The following DAPK2 variants were observed in gnomAD, a reference collection of about 807,000 sequenced individuals.
DAPK2 encodes the protein death associated protein kinase 2, also known as death-associated protein kinase 2.
In DAPK2, 35 loss-of-function variants were observed where a neutral mutation model predicts 44.1. The observed-to-expected ratio is 0.79, with a 90% CI of 0.61 to 1.05. DAPK2 has a LOEUF of 1.05. DAPK2 is among the 50% of genes least tolerant of loss of function. DAPK2 has a pLI of 0.00. For synonymous variants in DAPK2, 174 were observed against 182.6 expected (o/e 0.95, Z 0.38); for missense variants, 453 against 483.2 (o/e 0.94, Z 0.59).
At position 63,990,693 on chromosome 15, in the gene DAPK2, A is replaced by T. The variant is rs772432737; in HGVS notation, c.93-6939T>A. Among the ~76,000 whole-genome samples the T allele has an allele frequency of 7.9e-5, 12 of 152,176 alleles. No homozygotes were observed. The highest frequency in any genetic ancestry group is 1.5e-4 in the Non-Finnish European group (10 of 68,024). The stretch of plus-strand genomic sequence containing the variant: ...CCTGCTTCCCCACCGCAGACACCGC[A>T]GTTCCTCTTTCCACTCTGGAGAACA... On this transcript the variant is annotated intron_variant, in intron 1 of 10. Coordinates refer to ENST00000261891, the Ensembl canonical transcript of DAPK2. This position sits in a 1 kb window ranked among gnomAD's most constrained non-coding sequence, Gnocchi z 4.3.
intron 1 of DAPK2, among the ~76,000 whole-genome samples, chr15:64,005,633 G>T (rs1023971935): frequency 1.1e-4 from 17 of 152,146 alleles, no homozygotes; most frequent in African/African-American, 4.1e-4. Flanking sequence ...CCAAGGTAGG[G>T]GTGGGCAGGG....
intron 8 of DAPK2, among the ~76,000 whole-genome samples, chr15:63,913,769 G>A (rs1162546672): frequency 1.3e-5 from 2 of 152,144 alleles, no homozygotes; most frequent in Non-Finnish European, 2.9e-5. Context: ...CCCCTGGAAG[G>A]CCTTCAAGTA....
chr15:63,924,157 T>A (rs1378807808), intron 8 of DAPK2, among the ~76,000 whole-genome samples: 1 of 152,074 alleles, frequency 6.6e-6, no homozygotes, highest in Non-Finnish European at 1.5e-5. Flanking sequence ...CTCAAAGTGC[T>A]CTTCACCACA....
At chr15:64,007,127 T>G (rs1320239149) in intron 1 of DAPK2, among the ~76,000 whole-genome samples, 1 of 150,230 alleles carries the variant, frequency 6.7e-6, no homozygotes, top group Admixed American at 6.6e-5. Context: ...CCTAGCTAAT[T>G]GAAAAAAAAA....
intron 2 of DAPK2, among the ~76,000 whole-genome samples, chr15:63,977,134 A>G (rs1417440435): frequency 6.6e-6 from 1 of 152,166 alleles, no homozygotes; most frequent in African/African-American, 2.4e-5. Context: ...TGAAAGGGTG[A>G]AGAGAGACTG....
At chr15:63,931,486 G>A (rs1026645710) in intron 4 of DAPK2, among the ~76,000 whole-genome samples, 4 of 152,202 alleles carry the variant, frequency 2.6e-5, no homozygotes, top group African/African-American at 9.6e-5. Flanking sequence ...AGTCATGTCA[G>A]TGCTGGAAAG....
intron 6 of DAPK2, among the ~76,000 whole-genome samples, chr15:63,926,734 A>C (rs946836401): frequency 1.3e-5 from 2 of 152,214 alleles, no homozygotes; most frequent in African/African-American, 4.8e-5. Context: ...ATGATCCAGC[A>C]GTGTCTGGAT....
At position 63,983,701 on chromosome 15, in the gene DAPK2, T is replaced by A. The variant is rs200254684; in HGVS notation, c.146A>T (p.Tyr49Phe). 1.1e-5 allele frequency: 17 copies of A among 1,613,648 alleles called. No individual in the cohort carries two copies. The Admixed American group carries it at 2.5e-4, about 24-fold the overall frequency. Residue 49 changes from tyrosine (Y) to phenylalanine (F), a missense_variant, in exon 2 of 11, where the codon TAT becomes TTT. By Grantham distance (22) the Tyr-to-Phe change is conservative. Transcript: ENST00000261891. ...CCGCTTCTTGATGAACTTGGCTGCA[T>A]ACTCAAGCCCCGTGCTCTTCTCCCG...
intron 6 of DAPK2, 181 bp downstream of exon 7, chr15:63,929,370 C>T (rs7177464): frequency 0.019 from 13,782 of 714,160 alleles, 235 homozygotes; most frequent in African/African-American, 0.061. Flanking sequence ...ACCTCAATGC[C>T]AGGGTCAGAT....
rs541843165 is a variant in DAPK2 at position 64,007,137 on chromosome 15, A to T, written c.93-23383T>A. Reference sequence around the variant, plus strand: ...CCTCTCCTAGCTAATTGAAAAAAAAATTTTTTTTTTAGAGACGGGGTCTCA... The same window carrying T: ...CCTCTCCTAGCTAATTGAAAAAAAATTTTTTTTTTTAGAGACGGGGTCTCA... On this transcript the variant is annotated intron_variant, in intron 1 of 10. Transcript: ENST00000261891. Among the ~76,000 whole-genome samples, 272 of 149,458 alleles carry T rather than the reference A, an allele frequency of 1.8e-3. 1 individual carries two copies. Among genetic ancestry groups the T allele is most frequent in the Non-Finnish European group, 2.5e-3 (169 of 67,162 alleles).
At chr15:63,910,147 G>C (rs533588927) in intron 10 of DAPK2, among the ~76,000 whole-genome samples, 1 of 152,232 alleles carries the variant, frequency 6.6e-6, no homozygotes, top group Non-Finnish European at 1.5e-5. Flanking sequence ...GCGGGAGAGC[G>C]GTCCAGTGCC....
chr15:63,914,337 T>G (rs996243645), intron 8 of DAPK2, among the ~76,000 whole-genome samples: 7 of 152,004 alleles, frequency 4.6e-5, no homozygotes, highest in Non-Finnish European at 1.0e-4. Context: ...ACAGTGCTTT[T>G]GGGCCAAAGA....
At chr15:63,945,521 G>C (rs1214191552) in intron 3 of DAPK2, among the ~76,000 whole-genome samples, 1 of 152,170 alleles carries the variant, frequency 6.6e-6, no homozygotes, top group African/African-American at 2.4e-5. Context: ...ACGGCACTAA[G>C]GGAGGGTCCA....
intron 1 of DAPK2, 78 bp downstream of exon 2, chr15:64,040,092 C>T (rs2080312825): frequency 8.4e-7 from 1 of 1,187,194 alleles, no homozygotes; most frequent in African/African-American, 1.5e-5. Context: ...TGCCTTCCAA[C>T]ACCAACTGAC....
chr15:63,982,469 T>C (rs1189846089), intron 2 of DAPK2, among the ~76,000 whole-genome samples: 1 of 152,078 alleles, frequency 6.6e-6, no homozygotes, highest in East Asian at 1.9e-4. Context: ...ATTACAGGCA[T>C]GAGCCACTGC....
upstream of DAPK2, among the ~76,000 whole-genome samples, chr15:64,042,639 G>A (rs1319568993): frequency 6.6e-6 from 1 of 152,212 alleles, no homozygotes; most frequent in Non-Finnish European, 1.5e-5. This position sits in a 1 kb window ranked among gnomAD's most constrained non-coding sequence, Gnocchi z 4.7. Flanking sequence ...AGCCCCTTAG[G>A]GACAAACTAG....
intron 1 of DAPK2, 51 bp from the exon 3 acceptor site, chr15:63,983,805 A>T: frequency 6.6e-7 from 1 of 1,518,274 alleles, no homozygotes; most frequent in Non-Finnish European, 9.0e-7. Flanking sequence ...GTCATTGGGG[A>T]AATGACCCCA....
At chr15:63,976,298 C>A (rs978060046) in intron 2 of DAPK2, among the ~76,000 whole-genome samples, 7 of 152,196 alleles carry the variant, frequency 4.6e-5, no homozygotes, top group Non-Finnish European at 2.9e-5. Flanking sequence ...TGAATTTTAA[C>A]TTTTATTTAA....
chr15:63,994,402 T>G (rs2078893306), intron 1 of DAPK2, among the ~76,000 whole-genome samples: 1 of 142,310 alleles, frequency 7.0e-6, no homozygotes, highest in Non-Finnish European at 1.5e-5. Context: ...AAGAAGAATG[T>G]TAAAAGAAAA....
Sources: gnomAD v4.1 joint callset for allele counts (sites outside exome capture counted in the v4.1 genomes callset) on GRCh38, gnomAD v4.1.1 for gene constraint, Gnocchi (gnomAD v3.1) non-coding constraint, MANE v1.5 for transcripts, NCBI Gene and HGNC (gene_info 2026-07-23, HGNC 2026-07-21) for gene names.